KCNT2: variants seen among roughly 807,000 people sequenced by gnomAD.
KCNT2 encodes potassium sodium-activated channel subfamily T member 2.
A neutral mutation model predicts 153.8 loss-of-function variants in KCNT2; 67 were observed. The observed-to-expected ratio is 0.44, with a 90% CI of 0.36 to 0.53. KCNT2 has a LOEUF of 0.53. Among genes scored for constraint, KCNT2 ranks in the 20% least tolerant of loss-of-function variants. KCNT2 has a pLI of 0.00. For missense variants in KCNT2, 975 were observed against 1,354.8 expected, an observed-to-expected ratio of 0.72 and a Z score of 4.40; for synonymous variants, 500 against 458.8, an observed-to-expected ratio of 1.09 and a Z score of -1.15.
chr1:196,460,137 G>A lies in KCNT2; in HGVS notation c.638+5156C>T, dbSNP rs777899283. Among the ~76,000 whole-genome samples the A allele has an allele frequency of 5.1e-4, 77 of 151,784 alleles. No individual in the cohort carries two copies. In the Middle Eastern group the frequency reaches 0.014, roughly 27 times the overall value. On this transcript the variant is annotated intron_variant, in intron 8 of 27. Transcript: ENST00000294725. Reference sequence around the variant, plus strand: ...TTGGGGGTTATATGGAGACAAAATTGGCCAAAATTTGGTTTATCATTTCTA... The same window carrying A: ...TTGGGGGTTATATGGAGACAAAATTAGCCAAAATTTGGTTTATCATTTCTA...
chr1:196,525,384 A>T (rs1556961), intron 1 of KCNT2, among the ~76,000 whole-genome samples: 128,879 of 152,120 alleles, frequency 0.85, 55,675 homozygotes, highest in South Asian at 0.99. Flanking sequence ...TTTTGTTCGT[A>T]ATTTCCCTGT....
chr1:196,236,513 G>T (rs981098442), intron 26 of KCNT2, among the ~76,000 whole-genome samples: 27 of 151,486 alleles, frequency 1.8e-4, no homozygotes, highest in Admixed American at 1.6e-3. Flanking sequence ...TAGAAAACAT[G>T]CTAGAAATGT....
intron 25 of KCNT2, among the ~76,000 whole-genome samples, chr1:196,264,937 C>T (rs1657392220): frequency 6.6e-6 from 1 of 152,130 alleles, no homozygotes; most frequent in Non-Finnish European, 1.5e-5. Flanking sequence ...AGCCCAGCCC[C>T]AATGCTTAAT....
At chr1:196,251,417 G>A (rs1411163830) in intron 26 of KCNT2, among the ~76,000 whole-genome samples, 1 of 151,764 alleles carries the variant, frequency 6.6e-6, no homozygotes, top group Non-Finnish European at 1.5e-5. Context: ...TTGTTTTTCT[G>A]AGCTGAAAAA....
intron 25 of KCNT2, among the ~76,000 whole-genome samples, chr1:196,271,913 T>C (rs751483346): frequency 7.9e-5 from 12 of 151,978 alleles, no homozygotes; most frequent in Non-Finnish European, 1.5e-4. Context: ...CCAAAAACAA[T>C]GCACCAATGA....
intron 8 of KCNT2, among the ~76,000 whole-genome samples, chr1:196,447,052 T>C (rs1675746879): frequency 6.6e-6 from 1 of 151,586 alleles, no homozygotes; most frequent in Admixed American, 6.6e-5. Context: ...TCGCTTTGGA[T>C]GAAATTGAAC....
In KCNT2 at chr1:196,501,579, C is replaced by T. The variant is rs562169257; in HGVS notation, c.96-9238G>A. Among the ~76,000 whole-genome samples the T allele has an allele frequency of 1.3e-4, 20 of 151,988 alleles. 2 individuals are homozygous for T. The highest frequency in any genetic ancestry group is 4.3e-4 in the African/African-American group (18 of 41,476). On this transcript the variant is annotated intron_variant, in intron 1 of 27. Coordinates refer to ENST00000294725, the MANE Select transcript of KCNT2 (RefSeq NM_198503.5). ...ACATACAGAATGAAAAACAAGAAAT[C>T]GAAGACTTCAAAAGGTGGGCAGGTG...
At position 196,394,305 on chromosome 1, in the gene KCNT2, A is replaced by G. The variant is rs78661544; in HGVS notation, c.1294+4258T>C. Among the ~76,000 whole-genome samples, 14 of 151,660 alleles carry G rather than the reference A, an allele frequency of 9.2e-5. No homozygotes were observed. In the East Asian group the frequency reaches 2.3e-3, roughly 25 times the overall value. On this transcript the variant is annotated intron_variant, in intron 13 of 27. Coordinates refer to ENST00000294725, the MANE Select transcript of KCNT2 (RefSeq NM_198503.5). ...ACAACATGTGAATACCCAGAAAAAG[A>G]TGAAAAGGGACTCTTTTGAAATAGC...
At chr1:196,229,562 T>G (rs928260203) in intron 27 of KCNT2, among the ~76,000 whole-genome samples, 3 of 152,104 alleles carry the variant, frequency 2.0e-5, no homozygotes, top group Non-Finnish European at 2.9e-5. Flanking sequence ...TCTCTCACTT[T>G]AAATCAAAAG....
At chr1:196,598,044 T>C (rs910932888) in intron 1 of KCNT2, among the ~76,000 whole-genome samples, 5 of 152,150 alleles carry the variant, frequency 3.3e-5, no homozygotes, top group South Asian at 2.1e-4. Context: ...CTGAGAAAAA[T>C]ATTAAAAAAT....
chr1:196,598,171 C>T (rs769908898), intron 1 of KCNT2, among the ~76,000 whole-genome samples: 5 of 152,084 alleles, frequency 3.3e-5, no homozygotes, highest in Non-Finnish European at 4.4e-5. Flanking sequence ...AGTAAGTTAA[C>T]TATTTGATCT....
Position 196,459,819 on chromosome 1 carries a change from T to C in KCNT2, c.638+5474A>G, listed in dbSNP as rs376026151. Among the ~76,000 whole-genome samples, 11 of 151,936 alleles carry C rather than the reference T, an allele frequency of 7.2e-5. No homozygotes were observed. The East Asian group carries it at 1.9e-3, about 27-fold the overall frequency. ...CTGTAAATGACCACATTTGAAGTCCTCTAATCAAACTCTGTCAAGTAAACA... is the reference window on the plus strand; with the variant it reads ...CTGTAAATGACCACATTTGAAGTCCCCTAATCAAACTCTGTCAAGTAAACA... On this transcript the variant is annotated intron_variant, in intron 8 of 27. Coordinates refer to ENST00000294725, the MANE Select transcript of KCNT2 (RefSeq NM_198503.5).
chr1:196,327,500 G>A (rs1243812086), intron 18 of KCNT2, among the ~76,000 whole-genome samples: 1 of 152,066 alleles, frequency 6.6e-6, no homozygotes, highest in Non-Finnish European at 1.5e-5. Flanking sequence ...GAATTTGACA[G>A]AATTAGCGTT....
intron 13 of KCNT2, among the ~76,000 whole-genome samples, chr1:196,373,570 G>C (rs1572208761): frequency 6.6e-6 from 1 of 151,924 alleles, no homozygotes; most frequent in South Asian, 2.1e-4. Flanking sequence ...AGGTGGGTTT[G>C]AGGTGTGGTC....
rs561551361 is a variant in KCNT2, at chr1:196,299,012, G to C, written c.2595+6222C>G. Among the ~76,000 whole-genome samples, 159 of 151,562 alleles carry C rather than the reference G, an allele frequency of 1.0e-3. 2 individuals carry two copies. The highest frequency in any genetic ancestry group is 1.9e-3 in the Non-Finnish European group (128 of 67,908). ...ATATTGTGATTATGACCATCATTTG[G>C]GAATGGTGATCATTCAAAAGCAATT... On this transcript the variant is annotated intron_variant, in intron 22 of 27. Coordinates refer to ENST00000294725, the MANE Select transcript of KCNT2 (RefSeq NM_198503.5).
chr1:196,407,106 C>T (rs1299589478), intron 12 of KCNT2, among the ~76,000 whole-genome samples: 5 of 151,404 alleles, frequency 3.3e-5, no homozygotes, highest in Non-Finnish European at 5.9e-5. Context: ...GTATATTTTA[C>T]TTACTTAAAT....
intron 14 of KCNT2, among the ~76,000 whole-genome samples, chr1:196,348,813 G>A (rs1666360655): frequency 6.6e-6 from 1 of 151,986 alleles, no homozygotes; most frequent in Admixed American, 6.6e-5. Context: ...ATCTCATGAT[G>A]TCGGGGGTTT....
rs533642496 is a variant in KCNT2, at chr1:196,466,471, C to T, written c.544-1084G>A. On this transcript the variant is annotated intron_variant, in intron 7 of 27. Transcript: ENST00000294725. ...AACGTTATCCAAATATTCCTTTAGG[C>T]CAAAACTTTAGTCATAATGTCATTT... is the stretch of plus-strand genomic sequence containing the variant. 2.6e-4 allele frequency among the ~76,000 whole-genome samples: 40 copies of T among 152,040 alleles called. No individual in the cohort carries two copies. In the East Asian group the frequency reaches 7.8e-3, roughly 29 times the overall value.
chr1:196,348,804 T>A (rs1666360158), intron 14 of KCNT2, among the ~76,000 whole-genome samples: 1 of 152,118 alleles, frequency 6.6e-6, no homozygotes, highest in Non-Finnish European at 1.5e-5. Flanking sequence ...GGAGGGTGGA[T>A]CTCATGATGT....
Sources: gnomAD v4.1 joint callset for allele counts (sites outside exome capture counted in the v4.1 genomes callset) on GRCh38, gnomAD v4.1.1 for gene constraint, MANE v1.5 for transcripts, NCBI Gene and HGNC (gene_info 2026-07-23, HGNC 2026-07-21) for gene names.